Variants in RPTOR observed in about 807,000 individuals in gnomAD.
RPTOR encodes the protein regulatory-associated protein of mTOR.
RPTOR carries 21 observed loss-of-function variants against 169.9 expected under a neutral mutation model. That is an observed-to-expected ratio of 0.12 (90% CI 0.09 to 0.18). The LOEUF is 0.18. RPTOR is among the 10% of genes least tolerant of loss of function. The pLI is 1.00. For synonymous variants in RPTOR, 732 were observed against 753.2 expected (o/e 0.97, Z 0.46); for missense variants, 1,133 against 1,855.9 (o/e 0.61, Z 7.16).
At chr17:80,893,403 T>TGC (rs1400922165) in intron 19 of RPTOR, among the ~76,000 whole-genome samples, 6 of 140,588 alleles carry the variant, frequency 4.3e-5, no homozygotes, top group Non-Finnish European at 1.5e-5. Context: ...AGGGTGTGTG[T>TGC]GTGTGTGTAC....
chr17:80,716,459 C>T (rs28789773), intron 4 of RPTOR, among the ~76,000 whole-genome samples: 2,052 of 151,798 alleles, frequency 0.014, 61 homozygotes, highest in African/African-American at 0.047. Flanking sequence ...TGTAGATTTC[C>T]GGATATTAGT....
At chr17:80,923,017 CT>C (rs1334703146) in intron 22 of RPTOR, among the ~76,000 whole-genome samples, 190 bp downstream of exon 22, 6 of 152,242 alleles carry the variant, frequency 3.9e-5, no homozygotes, top group Non-Finnish European at 4.4e-5. Context: ...GATCTGAGCC[CT>C]GCCTTGAGCT....
At chr17:80,665,370 T>C (rs2065758511) in intron 3 of RPTOR, among the ~76,000 whole-genome samples, 1 of 5,276 alleles carries the variant, frequency 1.9e-4, no homozygotes, top group Non-Finnish European at 2.9e-4. Flanking sequence ...TTCCTTTCCT[T>C]TCCTTTCCTT....
At chr17:80,828,119 C>G (rs1165078243) in intron 9 of RPTOR, among the ~76,000 whole-genome samples, 1 of 152,304 alleles carries the variant, frequency 6.6e-6, no homozygotes, top group East Asian at 1.9e-4. Flanking sequence ...CTCTTGTCAC[C>G]TCTTGTTACA....
chr17:80,650,174 G>C (rs750292684), intron 3 of RPTOR, among the ~76,000 whole-genome samples: 3 of 152,222 alleles, frequency 2.0e-5, no homozygotes, highest in African/African-American at 7.2e-5. Flanking sequence ...ACTCCTCAGG[G>C]TTTCAGTCCA....
At chr17:80,566,617 G>T (rs1401722757) in intron 1 of RPTOR, among the ~76,000 whole-genome samples, 1 of 151,538 alleles carries the variant, frequency 6.6e-6, no homozygotes, top group African/African-American at 2.4e-5. Flanking sequence ...TCAGGAGATC[G>T]AGATCATCCT....
chr17:80,923,698 A>T (rs760634889), intron 23 of RPTOR, 25 bp downstream of exon 23: 2 of 1,552,002 alleles, frequency 1.3e-6, no homozygotes, highest in Non-Finnish European at 8.7e-7. Flanking sequence ...CTGCCTGGTG[A>T]TCTGGACACT....
At chr17:80,854,470 G>T (rs2067830400) in intron 11 of RPTOR, among the ~76,000 whole-genome samples, 1 of 152,164 alleles carries the variant, frequency 6.6e-6, no homozygotes, top group South Asian at 2.1e-4. Flanking sequence ...TCAGCCTCAG[G>T]GTCATTTGGT....
intron 25 of RPTOR, chr17:80,945,419 C>A: frequency 3.2e-6 from 1 of 312,518 alleles, no homozygotes; most frequent in Non-Finnish European, 6.0e-6. Flanking sequence ...GGTGAAACCC[C>A]ATCTCTACTA....
At chr17:80,575,770 T>G (rs1220282823) in intron 1 of RPTOR, among the ~76,000 whole-genome samples, 2 of 152,250 alleles carry the variant, frequency 1.3e-5, no homozygotes. Flanking sequence ...TTTACTGATT[T>G]TTTTGACTGT....
chr17:80,761,112 G>A (rs2066732711), intron 6 of RPTOR, among the ~76,000 whole-genome samples: 1 of 152,076 alleles, frequency 6.6e-6, no homozygotes, highest in African/African-American at 2.4e-5. Flanking sequence ...TCAATACACT[G>A]TAAGAATCCA....
chr17:80,686,675 G>C (rs1443118880), intron 3 of RPTOR, among the ~76,000 whole-genome samples: 1 of 152,088 alleles, frequency 6.6e-6, no homozygotes, highest in Non-Finnish European at 1.5e-5. Flanking sequence ...GGAAAGAAAG[G>C]CTCTCTTCTA....
At chr17:80,782,029 T>C (rs2066946779) in intron 6 of RPTOR, among the ~76,000 whole-genome samples, 1 of 152,262 alleles carries the variant, frequency 6.6e-6, no homozygotes, top group South Asian at 2.1e-4. Context: ...TGACTGATTC[T>C]TAAATGATCT....
intron 6 of RPTOR, among the ~76,000 whole-genome samples, chr17:80,778,977 G>A (rs946848058): frequency 4.6e-5 from 7 of 152,148 alleles, no homozygotes; most frequent in African/African-American, 1.2e-4. Context: ...ACTGGACATC[G>A]CCAGGTGTTT....
chr17:80,891,536 A>G (rs973259526), intron 17 of RPTOR, among the ~76,000 whole-genome samples, 184 bp from the exon 18 acceptor site: 3 of 152,246 alleles, frequency 2.0e-5, no homozygotes, highest in African/African-American at 7.2e-5. Context: ...GCCGTCTCCC[A>G]GCACTCTGCT....
At chr17:80,658,410 G>T (rs1429938490) in intron 3 of RPTOR, among the ~76,000 whole-genome samples, 1 of 151,994 alleles carries the variant, frequency 6.6e-6, no homozygotes, top group East Asian at 1.9e-4. Context: ...AAGTTTAAAG[G>T]TGTTTTTCCC....
At chr17:80,940,442 AG>A (rs1335317499) in intron 24 of RPTOR, 53 bp from the exon 25 acceptor site, 2 of 1,502,406 alleles carry the variant, frequency 1.3e-6, no homozygotes, top group African/African-American at 2.8e-5. Context: ...ATTGATACCA[AG>A]AGACAACCCT....
intron 1 of RPTOR, among the ~76,000 whole-genome samples, chr17:80,567,827 TAAATA>T (rs2064861839): frequency 6.6e-6 from 1 of 150,854 alleles, no homozygotes; most frequent in African/African-American, 2.4e-5. Context: ...AATAAATAAA[TAAATA>T]AAAGTCCATT....
At chr17:80,923,820 G>A in intron 23 of RPTOR, 147 bp downstream of exon 23, 1 of 868,384 alleles carries the variant, frequency 1.2e-6, no homozygotes, top group Non-Finnish European at 1.8e-6. Context: ...GCCACTCTCT[G>A]CCTTTGCAGA....
Sources: gnomAD v4.1 joint callset for allele counts (sites outside exome capture counted in the v4.1 genomes callset) on GRCh38, gnomAD v4.1.1 for gene constraint, MANE v1.5 for transcripts, NCBI Gene and HGNC (gene_info 2026-07-23, HGNC 2026-07-21) for gene names.